The following FLNB variants were observed in gnomAD, a reference collection of about 807,000 sequenced individuals.
The protein encoded by FLNB is filamin B, also known as filamin-B.
A neutral mutation model predicts 250.6 loss-of-function variants in FLNB; 111 were observed. The ratio of observed to expected loss-of-function variants is 0.44; its 90% CI spans 0.38 to 0.52. FLNB has a LOEUF of 0.52. Among genes scored for constraint, FLNB ranks in the 20% least tolerant of loss-of-function variants. FLNB has a pLI of 0.00. For synonymous variants in FLNB, 1,302 were observed against 1,372.1 expected (o/e 0.95, Z 1.13); for missense variants, 2,869 against 3,447.8 (o/e 0.83, Z 4.20).
At chr3:58,141,975 C>A (rs1372073796) in intron 30 of FLNB, 46 bp downstream of exon 30, 2 of 1,536,302 alleles carry the variant, frequency 1.3e-6, no homozygotes, top group Non-Finnish European at 1.8e-6. Flanking sequence ...GTTTACTCAG[C>A]CTTCATTTCA....
rs142368129 is a variant in FLNB, at chr3:58,040,617, C to T, written c.292+31761C>T. On this transcript the variant is annotated intron_variant, in intron 1 of 45. Coordinates refer to ENST00000295956, the MANE Select transcript of FLNB (RefSeq NM_001457.4). ...TCAAGCGATTCTCCTGCCTAAGCCT[C>T]CTGAGTAGCTGGGACTATAGGCGCA... Among the ~76,000 whole-genome samples, 957 of 152,344 alleles carry T rather than the reference C, an allele frequency of 6.3e-3. 6 individuals are homozygous for T. The highest frequency in any genetic ancestry group is 9.9e-3 in the Admixed American group (152 of 15,304).
Position 58,159,549 on chromosome 3 carries a change from C to A in FLNB, c.6889-5C>A, listed in dbSNP as rs1411914015. The A allele has an allele frequency of 3.1e-6, 5 of 1,614,134 alleles. No homozygotes were observed. The highest frequency in any genetic ancestry group is 4.2e-6 in the Non-Finnish European group (5 of 1,180,018). On this transcript the variant is annotated splice_polypyrimidine_tract_variant and splice_region_variant and intron_variant, in intron 41 of 45. Coordinates refer to ENST00000295956, the MANE Select transcript of FLNB (RefSeq NM_001457.4). ...CATAACCTGTCTGATGTATTAAATT[C>A]TCAGGAATCGGGATTAAAAGTTAAC...
rs750103089 is a variant in FLNB, at chr3:58,125,661, C to T, written c.3979C>T (p.Gln1327Ter). ...PFKVAVTEGC[Q>*]PSRVQAQGPG... ...CAAGGTGGCTGTCACTGAAGGCTGC[C>T]AGCCATCTAGGGTGCAAGCCCAAGG... Residue 1327 changes from glutamine (Q) to a stop codon, truncating the protein, a stop_gained, in exon 23 of 46, where the codon CAG (glutamine) becomes TAG (stop). Transcript: ENST00000295956. LOFTEE classifies it high-confidence loss of function. 6.2e-7 allele frequency: 1 copy of T among 1,614,158 alleles called. No individual in the cohort carries two copies. Among genetic ancestry groups the T allele is most frequent in the Non-Finnish European group, 8.5e-7 (1 of 1,180,024 alleles).
At chr3:58,167,950 G>A (rs979075030) in intron 43 of FLNB, among the ~76,000 whole-genome samples, 4 of 152,194 alleles carry the variant, frequency 2.6e-5, no homozygotes, top group African/African-American at 7.2e-5. Flanking sequence ...GGCTGCACCC[G>A]GTCTGCAGCA....
rs57053256 is a variant in FLNB at position 58,136,746 on chromosome 3, CTTTTTT to C, written c.4861+596_4861+601del. Among the ~76,000 whole-genome samples the C allele has an allele frequency of 5.1e-3, 411 of 79,818 alleles. 4 individuals are homozygous for C. Among genetic ancestry groups the C allele is most frequent in the African/African-American group, 0.021 (381 of 18,204 alleles). The allele number at this position is 79,818 out of a possible 152,430, so 52.4% of individuals were successfully genotyped here. ...CAACTATTGACTGTCACAGGCCATT[CTTTTTT>C]TTTTTTTTTTTTTTTTTGAGATGGA... On this transcript the variant is annotated intron_variant, in intron 28 of 45. Coordinates refer to ENST00000295956, the MANE Select transcript of FLNB (RefSeq NM_001457.4).
At chr3:58,011,320 G>T (rs2097098575) in intron 1 of FLNB, among the ~76,000 whole-genome samples, 1 of 152,098 alleles carries the variant, frequency 6.6e-6, no homozygotes, top group Non-Finnish European at 1.5e-5. Context: ...GTGGGCTGTT[G>T]GCAGCTTCTT....
intron 41 of FLNB, among the ~76,000 whole-genome samples, chr3:58,157,639 C>T (rs1391936187): frequency 6.6e-6 from 1 of 152,182 alleles, no homozygotes; most frequent in Non-Finnish European, 1.5e-5. Context: ...CTAAAACCTA[C>T]GGAGGGAGAT....
At chr3:58,050,770 C>A (rs2097161100) in intron 1 of FLNB, among the ~76,000 whole-genome samples, 1 of 152,214 alleles carries the variant, frequency 6.6e-6, no homozygotes, top group African/African-American at 2.4e-5. Context: ...AATGGGGTGG[C>A]TGAGACAGGT....
chr3:58,158,848 T>A (rs1011056445), intron 41 of FLNB, among the ~76,000 whole-genome samples: 1 of 152,330 alleles, frequency 6.6e-6, no homozygotes, highest in East Asian at 1.9e-4. Context: ...TATTTAATAA[T>A]AAGCTGACGT....
At chr3:58,101,210 G>A (rs147159931) in intron 8 of FLNB, among the ~76,000 whole-genome samples, 12 of 152,274 alleles carry the variant, frequency 7.9e-5, no homozygotes, top group Non-Finnish European at 1.3e-4. Flanking sequence ...TTGCAGGAAG[G>A]AGGAACCAGA....
chr3:58,133,034 T>C lies in FLNB; in HGVS notation c.4514+103T>C, dbSNP rs1313833364. On this transcript the variant is annotated intron_variant, in intron 26 of 45. Coordinates refer to ENST00000295956, the MANE Select transcript of FLNB (RefSeq NM_001457.4). ...ACCCATCCGTTCCTCCATCATTCCA[T>C]CCATCCACTCATCCATTCCTCCATC... 8 of 1,303,724 alleles carry C rather than the reference T, an allele frequency of 6.1e-6. No homozygotes were observed. In the East Asian group the frequency reaches 1.5e-4, roughly 25 times the overall value. The allele number at this position is 1,303,724 out of a possible 1,614,324, so 80.8% of individuals were successfully genotyped here.
At chr3:58,084,052 C>T (rs568410585) in intron 4 of FLNB, among the ~76,000 whole-genome samples, 4 of 151,972 alleles carry the variant, frequency 2.6e-5, no homozygotes, top group South Asian at 2.1e-4. Context: ...ATTAGCTTGG[C>T]GTGGTGGTAC....
intron 1 of FLNB, among the ~76,000 whole-genome samples, chr3:58,050,275 G>T (rs776730203): frequency 2.0e-5 from 3 of 151,978 alleles, no homozygotes; most frequent in Non-Finnish European, 4.4e-5. Context: ...TTATCCACCC[G>T]CCTCGGCCTC....
In FLNB at chr3:58,130,801, G is replaced by T; in HGVS notation, c.4283G>T (p.Gly1428Val). 6.2e-7 allele frequency: 1 copy of T among 1,613,898 alleles called. No individual in the cohort carries two copies. Among genetic ancestry groups the T allele is most frequent in the Non-Finnish European group, 8.5e-7 (1 of 1,179,948 alleles). ...GACCCCAGCAAGGTCAAGATTGCCG[G>T]CCCCGGGCTGGGCTCAGGCGTCCGA... The part of the protein sequence containing the change: ...VVDPSKVKIA[G>V]PGLGSGVRAR... The change falls in exon 25 of 46, where the codon GGC becomes GTC. Residue 1428 changes from glycine to valine, a missense_variant. Coordinates refer to ENST00000295956, the MANE Select transcript of FLNB (RefSeq NM_001457.4).
chr3:58,034,509 G>A (rs866347609), intron 1 of FLNB, among the ~76,000 whole-genome samples: 1 of 151,942 alleles, frequency 6.6e-6, no homozygotes, highest in African/African-American at 2.4e-5. Context: ...TTTACACCAA[G>A]TATCGCACTT....
Position 58,098,878 on chromosome 3 carries a change from A to C in FLNB, c.1315A>C (p.Lys439Gln), listed in dbSNP as rs903845836. 24 of 1,613,928 alleles carry C rather than the reference A, an allele frequency of 1.5e-5. No homozygotes were observed. The highest frequency in any genetic ancestry group is 2.0e-5 in the Non-Finnish European group (24 of 1,179,974). Reference protein sequence around the residue: ...KIFFAGDTIPKSPFVVQVGEA... With the variant: ...KIFFAGDTIPQSPFVVQVGEA... ...CTTCTTTGCTGGGGACACTATTCCTAAGAGTCCCTTCGTTGTGCAGGTTGG... is the reference window on the plus strand; with the variant it reads ...CTTCTTTGCTGGGGACACTATTCCTCAGAGTCCCTTCGTTGTGCAGGTTGG... The change falls in exon 8 of 46, where the codon AAG (lysine) becomes CAG (glutamine). Residue 439 changes from lysine to glutamine, a missense_variant. By Grantham distance (53) the Lys-to-Gln change is moderately conservative. Coordinates refer to ENST00000295956, the MANE Select transcript of FLNB (RefSeq NM_001457.4).
intron 1 of FLNB, among the ~76,000 whole-genome samples, chr3:58,029,082 T>C (rs761065216): frequency 1.1e-4 from 15 of 141,312 alleles, no homozygotes; most frequent in Non-Finnish European, 1.5e-4. Flanking sequence ...ACCTTGTCTC[T>C]TAAAATAAAT....
At chr3:58,045,474 G>T (rs187678074) in intron 1 of FLNB, among the ~76,000 whole-genome samples, 4,890 of 145,744 alleles carry the variant, frequency 0.034, 251 homozygotes, top group African/African-American at 0.13. Flanking sequence ...TTTCGCATTT[G>T]TTTTTTAAAG....
chr3:58,151,912 G>A (rs2097345755), intron 38 of FLNB, among the ~76,000 whole-genome samples: 1 of 152,204 alleles, frequency 6.6e-6, no homozygotes, highest in Non-Finnish European at 1.5e-5. Context: ...CAGCACTGGG[G>A]CTGTCTCTCC....
Sources: gnomAD v4.1 joint callset for allele counts (sites outside exome capture counted in the v4.1 genomes callset) on GRCh38, gnomAD v4.1.1 for gene constraint, MANE v1.5 for transcripts, NCBI Gene and HGNC (gene_info 2026-07-23, HGNC 2026-07-21) for gene names.